KHDRBS2: variants seen among roughly 807,000 people sequenced by gnomAD.
The protein encoded by KHDRBS2 is KH RNA binding domain containing, signal transduction associated 2.
Under a neutral mutation model 44.3 loss-of-function variants are expected in KHDRBS2, and 26 were observed. The observed-to-expected ratio is 0.59, with a 90% CI of 0.43 to 0.81. KHDRBS2 has a LOEUF of 0.81. Among genes scored for constraint, KHDRBS2 ranks in the 40% least tolerant of loss-of-function variants. The pLI is 0.00. For missense variants in KHDRBS2, 476 were observed against 433.1 expected, an observed-to-expected ratio of 1.10 and a Z score of -0.88; for synonymous variants, 194 against 151.1, an observed-to-expected ratio of 1.28 and a Z score of -2.08.
chr6:62,238,161 T>C lies in KHDRBS2; in HGVS notation c.91+47697A>G, dbSNP rs9446101. ...GTTTCACTTGGTATATTTTAATTTA[T>C]ACACCCACATGGTCTAGCATACACT... On this transcript the variant is annotated intron_variant, in intron 1 of 8. Transcript: ENST00000281156. 3.3e-5 allele frequency among the ~76,000 whole-genome samples: 5 copies of C among 152,260 alleles called. No homozygotes were observed. In the South Asian group the frequency reaches 1.0e-3, roughly 32 times the overall value.
the KHDRBS2 span, among the ~76,000 whole-genome samples, chr6:61,647,166 A>G: frequency 6.6e-6 from 1 of 152,108 alleles, no homozygotes; most frequent in Non-Finnish European, 1.5e-5. Context: ...CGTCTTTACA[A>G]CCTTTACTCT....
At chr6:61,660,201 A>C in the KHDRBS2 span, among the ~76,000 whole-genome samples, 4 of 151,830 alleles carry the variant, frequency 2.6e-5, no homozygotes, top group African/African-American at 7.2e-5. Flanking sequence ...AGAGAGTGTT[A>C]TATTGTACAG....
At chr6:62,060,715 A>C (rs981398370) in intron 2 of KHDRBS2, among the ~76,000 whole-genome samples, 1 of 151,692 alleles carries the variant, frequency 6.6e-6, no homozygotes, top group African/African-American at 2.4e-5. Context: ...CTTGTCTGCT[A>C]TAAGACCCAA....
At chr6:62,013,421 G>A (rs1027615250) in intron 3 of KHDRBS2, among the ~76,000 whole-genome samples, 4 of 151,930 alleles carry the variant, frequency 2.6e-5, no homozygotes, top group African/African-American at 9.7e-5. Context: ...TGATCAAACT[G>A]AAATGGAAAC....
At chr6:62,069,857 C>A (rs1433068814) in intron 2 of KHDRBS2, among the ~76,000 whole-genome samples, 2 of 151,618 alleles carry the variant, frequency 1.3e-5, no homozygotes, top group African/African-American at 2.4e-5. Context: ...TAAATTTTAA[C>A]TTTTTATAAT....
intron 2 of KHDRBS2, among the ~76,000 whole-genome samples, chr6:62,131,578 T>C (rs975583836): frequency 3.3e-5 from 5 of 152,140 alleles, no homozygotes; most frequent in African/African-American, 1.2e-4. Flanking sequence ...TGATGAAACA[T>C]AGACATTCTA....
At chr6:61,816,644 G>T (rs1275272927) in intron 6 of KHDRBS2, 3 of 450,166 alleles carry the variant, frequency 6.7e-6, no homozygotes, top group South Asian at 4.7e-5. Context: ...ACAATGCTAT[G>T]AAACAAATAC....
At chr6:61,876,200 C>A (rs1338134060) in intron 6 of KHDRBS2, among the ~76,000 whole-genome samples, 3 of 151,902 alleles carry the variant, frequency 2.0e-5, no homozygotes, top group Non-Finnish European at 4.4e-5. Flanking sequence ...TCTAAGTGGC[C>A]TTAATGTCAA....
chr6:61,770,924 G>A (rs992730674), intron 6 of KHDRBS2, among the ~76,000 whole-genome samples: 3 of 152,266 alleles, frequency 2.0e-5, no homozygotes, highest in Non-Finnish European at 4.4e-5. Flanking sequence ...AAATGTTAAG[G>A]GCAGCCAGAG....
At chr6:61,922,223 A>T (rs1275519184) in intron 4 of KHDRBS2, among the ~76,000 whole-genome samples, 9 of 152,224 alleles carry the variant, frequency 5.9e-5, no homozygotes, top group African/African-American at 1.9e-4. Flanking sequence ...ATATATTTTT[A>T]AAAAATTTCA....
chr6:61,671,298 G>C, the KHDRBS2 span, among the ~76,000 whole-genome samples: 3,736 of 151,680 alleles, frequency 0.025, 73 homozygotes, highest in Middle Eastern at 0.082. Flanking sequence ...ATGAAGCATC[G>C]TGGAACAGGA....
intron 6 of KHDRBS2, among the ~76,000 whole-genome samples, chr6:61,797,407 G>T (rs562399681): frequency 1.3e-5 from 2 of 152,214 alleles, no homozygotes; most frequent in South Asian, 4.2e-4. Context: ...CCTTTAACTG[G>T]CAAGAGGTGA....
chr6:62,008,764 T>C (rs1417203129), intron 3 of KHDRBS2, among the ~76,000 whole-genome samples: 2 of 152,188 alleles, frequency 1.3e-5, no homozygotes, highest in African/African-American at 2.4e-5. Context: ...AAAAGAGAAG[T>C]TGCTCTGCAC....
the KHDRBS2 span, among the ~76,000 whole-genome samples, chr6:61,580,953 T>C: frequency 0.013 from 1,952 of 152,206 alleles, 44 homozygotes; most frequent in African/African-American, 0.045. Flanking sequence ...AGGCATATAA[T>C]AAAAAATATA....
At chr6:62,102,082 A>C (rs1032814883) in intron 2 of KHDRBS2, among the ~76,000 whole-genome samples, 2 of 152,076 alleles carry the variant, frequency 1.3e-5, no homozygotes, top group African/African-American at 4.8e-5. Context: ...TAACTAAATC[A>C]TTTTTTCTAT....
intron 4 of KHDRBS2, among the ~76,000 whole-genome samples, chr6:61,908,956 A>C (rs1805555775): frequency 1.3e-5 from 2 of 152,240 alleles, no homozygotes; most frequent in South Asian, 4.1e-4. Flanking sequence ...AGTAGCTTTA[A>C]AAATGATGAT....
chr6:62,264,566 T>C (rs9918343), intron 1 of KHDRBS2, among the ~76,000 whole-genome samples: 31,902 of 151,466 alleles, frequency 0.21, 4,329 homozygotes, highest in African/African-American at 0.39. Flanking sequence ...TCCTTTCTTA[T>C]CCCAACAGGC....
At chr6:61,829,767 A>G (rs1791504280) in intron 6 of KHDRBS2, among the ~76,000 whole-genome samples, 1 of 152,188 alleles carries the variant, frequency 6.6e-6, no homozygotes, top group Non-Finnish European at 1.5e-5. Flanking sequence ...AGTCATACAT[A>G]GTATAAATCT....
the KHDRBS2 span, among the ~76,000 whole-genome samples, chr6:61,551,933 G>A: frequency 6.6e-6 from 1 of 152,090 alleles, no homozygotes; most frequent in Non-Finnish European, 1.5e-5. Context: ...GAATGGGATT[G>A]CATTTTTGAT....
Sources: gnomAD v4.1 joint callset for allele counts (sites outside exome capture counted in the v4.1 genomes callset) on GRCh38, gnomAD v4.1.1 for gene constraint, MANE v1.5 for transcripts, NCBI Gene and HGNC (gene_info 2026-07-23, HGNC 2026-07-21) for gene names.